ZFYVE9: variants seen among roughly 807,000 people sequenced by gnomAD.
The protein encoded by ZFYVE9 is zinc finger FYVE domain-containing protein 9.
Under a neutral mutation model 126.7 loss-of-function variants are expected in ZFYVE9, and 43 were observed. The observed-to-expected ratio is 0.34, with a 90% CI of 0.27 to 0.44. The LOEUF is 0.44. Ranked by LOEUF, ZFYVE9 falls within the 20% of genes least tolerant of loss-of-function variation. The pLI, the probability that ZFYVE9 is intolerant of heterozygous loss-of-function variation, is 1.00. For missense variants in ZFYVE9, 1,476 were observed against 1,697.0 expected (o/e 0.87, Z 2.29); for synonymous variants, 521 against 597.4 (o/e 0.87, Z 1.87).
Position 52,219,557 on chromosome 1 carries a change from G to C in ZFYVE9, c.-37+3083G>C, listed in dbSNP as rs1645103377. Among the ~76,000 whole-genome samples, 7 of 151,974 alleles carry C rather than the reference G, an allele frequency of 4.6e-5. 1 individual carries two copies. In the South Asian group the frequency reaches 1.5e-3, roughly 32 times the overall value. On this transcript the variant is annotated intron_variant, in intron 2 of 18. Transcript: ENST00000287727. ...ACATATGATAAGGACGTGATCTCTG[G>C]GCTGGTGTCGGTGAATTGGGAATTC...
At chr1:52,187,834 A>G (rs967649861) in intron 1 of ZFYVE9, among the ~76,000 whole-genome samples, 2 of 152,248 alleles carry the variant, frequency 1.3e-5, no homozygotes, top group Admixed American at 6.5e-5. Context: ...AGAAAAGGGA[A>G]TTCTTATACA....
chr1:52,274,596 A>C lies in ZFYVE9; in HGVS notation c.2746+12A>C. 1 of 1,592,030 alleles carries C rather than the reference A, an allele frequency of 6.3e-7. No individual in the cohort carries two copies. Among genetic ancestry groups the C allele is most frequent in the Non-Finnish European group, 8.6e-7 (1 of 1,164,876 alleles). ...TGGTGTAAAAGGAGGTAAGTGGACT[A>C]CATATTTAAACAGTGATAGTTCTAT... On this transcript the variant is annotated intron_variant, in intron 8 of 18. Coordinates refer to ENST00000287727, the MANE Select transcript of ZFYVE9 (RefSeq NM_004799.4).
intron 2 of ZFYVE9, among the ~76,000 whole-genome samples, chr1:52,216,971 G>GT (rs1023693844): frequency 3.3e-5 from 5 of 151,534 alleles, no homozygotes; most frequent in Admixed American, 6.6e-5. Context: ...GAGTCATGTT[G>GT]TTTTTTTTCA....
chr1:52,244,976 G>A (rs1447959119), intron 4 of ZFYVE9, among the ~76,000 whole-genome samples: 2 of 152,044 alleles, frequency 1.3e-5, no homozygotes, highest in Admixed American at 1.3e-4. Flanking sequence ...TGGCCAATAT[G>A]GTGAAACCTC....
intron 1 of ZFYVE9, among the ~76,000 whole-genome samples, chr1:52,212,818 G>A (rs150755793): frequency 1.8e-3 from 271 of 152,278 alleles, no homozygotes; most frequent in African/African-American, 6.4e-3. Flanking sequence ...GAAATTACAT[G>A]TAATGTGAAA....
rs752186028 is a variant in ZFYVE9 at position 52,238,014 on chromosome 1, A to T, written c.597A>T (p.Ile199=). The T allele has an allele frequency of 1.9e-6, 3 of 1,613,906 alleles. No homozygotes were observed. In the African/African-American group the frequency reaches 4.0e-5, roughly 22 times the overall value. Residue 199 remains isoleucine (I), a synonymous_variant, in exon 4 of 19, where the codon ATA becomes ATT. Transcript: ENST00000287727. ...AAACTGATCAATTTAGTTTTAGTAT[A>T]AATGAGTCCACTGAAAAAGATATGA... ...NRQTDQFSFS[I]NESTEKDMNS... is the part of the protein sequence containing the mutation.
chr1:52,230,131 G>A (rs1645204695), intron 2 of ZFYVE9, among the ~76,000 whole-genome samples: 1 of 152,108 alleles, frequency 6.6e-6, no homozygotes, highest in Non-Finnish European at 1.5e-5. Flanking sequence ...GCCTCCCAAA[G>A]TGCTGGGATT....
At position 52,346,254 on chromosome 1, in the gene ZFYVE9, T is replaced by G. The variant is rs766740283; in HGVS notation, c.*33T>G. On this transcript the variant is annotated 3_prime_UTR_variant, in exon 19 of 19. Coordinates refer to ENST00000287727, the MANE Select transcript of ZFYVE9 (RefSeq NM_004799.4). ...AGACTTCATTTTTTTCTGTTCAGAC[T>G]TGTTGCAACAGCAGTCATACCCAAA... 1 of 1,540,476 alleles carries G rather than the reference T, an allele frequency of 6.5e-7. No individual in the cohort carries two copies. Among genetic ancestry groups the G allele is most frequent in the Non-Finnish European group, 8.8e-7 (1 of 1,137,802 alleles).
intron 7 of ZFYVE9, among the ~76,000 whole-genome samples, chr1:52,269,075 T>G (rs944116497): frequency 6.6e-6 from 1 of 152,202 alleles, no homozygotes. Context: ...TTACACTTGT[T>G]GAACCTACAC....
At chr1:52,240,665 A>G (rs564150826) in intron 4 of ZFYVE9, among the ~76,000 whole-genome samples, 1 of 152,304 alleles carries the variant, frequency 6.6e-6, no homozygotes, top group South Asian at 2.1e-4. Flanking sequence ...TCTTCCCCTC[A>G]TGTCAGAAGA....
At chr1:52,214,338 A>G (rs1440566458) in intron 1 of ZFYVE9, among the ~76,000 whole-genome samples, 1 of 152,116 alleles carries the variant, frequency 6.6e-6, no homozygotes, top group Non-Finnish European at 1.5e-5. Flanking sequence ...GAGGCACGAG[A>G]ACTTCTTGAA....
At chr1:52,264,661 A>C in intron 5 of ZFYVE9, among the ~76,000 whole-genome samples, 1 of 152,240 alleles carries the variant, frequency 6.6e-6, no homozygotes, top group East Asian at 1.9e-4. Flanking sequence ...CTTGAACACC[A>C]GTGCTACCTG....
intron 2 of ZFYVE9, among the ~76,000 whole-genome samples, chr1:52,232,408 A>G (rs887808247): frequency 2.6e-5 from 4 of 152,174 alleles, no homozygotes; most frequent in African/African-American, 9.7e-5. Flanking sequence ...AATGGTTTAG[A>G]AATGGTACTC....
intron 4 of ZFYVE9, among the ~76,000 whole-genome samples, chr1:52,248,858 A>G (rs1645416297): frequency 6.6e-6 from 1 of 152,174 alleles, no homozygotes; most frequent in Non-Finnish European, 1.5e-5. Flanking sequence ...TTTCCACTGC[A>G]GTTGCACAAT....
At chr1:52,338,782 C>G (rs947508760) in intron 16 of ZFYVE9, among the ~76,000 whole-genome samples, 1 of 152,116 alleles carries the variant, frequency 6.6e-6, no homozygotes, top group Non-Finnish European at 1.5e-5. Context: ...GAGGCTGAGG[C>G]AGGTGGATCG....
chr1:52,339,663 T>C (rs1034324401), intron 16 of ZFYVE9, among the ~76,000 whole-genome samples: 2 of 152,182 alleles, frequency 1.3e-5, no homozygotes, highest in Admixed American at 1.3e-4. Context: ...TATAAGCACA[T>C]AGAGGGGAAT....
chr1:52,217,560 A>G (rs547117254), intron 2 of ZFYVE9, among the ~76,000 whole-genome samples: 3 of 152,332 alleles, frequency 2.0e-5, no homozygotes, highest in South Asian at 4.1e-4. Flanking sequence ...AGCTGCTTCT[A>G]TGAGCCTTTG....
chr1:52,228,437 T>G (rs1310401285), intron 2 of ZFYVE9, among the ~76,000 whole-genome samples: 1 of 152,242 alleles, frequency 6.6e-6, no homozygotes, highest in African/African-American at 2.4e-5. Context: ...GTGCCCTTTT[T>G]TCTTTTAAGA....
chr1:52,180,265 T>C (rs1644685118), intron 1 of ZFYVE9: 1 of 1,600,750 alleles, frequency 6.2e-7, no homozygotes, highest in Admixed American at 1.7e-5. Context: ...TTTCCTGATG[T>C]CAAATTTATC....
Sources: gnomAD v4.1 joint callset for allele counts (sites outside exome capture counted in the v4.1 genomes callset) on GRCh38, gnomAD v4.1.1 for gene constraint, MANE v1.5 for transcripts, NCBI Gene and HGNC (gene_info 2026-07-23, HGNC 2026-07-21) for gene names.